Variants in ZRANB3 observed in about 807,000 individuals in gnomAD.
ZRANB3 encodes zinc finger RANBP2-type containing 3.
In ZRANB3, 125 loss-of-function variants were observed where a neutral mutation model predicts 133.8. That is an observed-to-expected ratio of 0.93 (90% CI 0.81 to 1.08). The LOEUF (loss-of-function observed/expected upper bound fraction) is 1.08. Ranked by LOEUF, ZRANB3 falls within the 50% of genes least tolerant of loss-of-function variation. The pLI, the probability that ZRANB3 is intolerant of heterozygous loss-of-function variation, is 0.00. For missense variants in ZRANB3, 1,229 were observed against 1,275.5 expected (o/e 0.96, Z 0.56); for synonymous variants, 387 against 432.7 (o/e 0.89, Z 1.31).
At chr2:135,482,817 T>G (rs1332575543) in intron 2 of ZRANB3, among the ~76,000 whole-genome samples, 1 of 152,250 alleles carries the variant, frequency 6.6e-6, no homozygotes, top group Non-Finnish European at 1.5e-5. Context: ...TTGAGAGTTT[T>G]CAGCATGAAG....
chr2:135,225,920 T>C (rs1694744493), intron 14 of ZRANB3, among the ~76,000 whole-genome samples: 1 of 152,184 alleles, frequency 6.6e-6, no homozygotes, highest in Non-Finnish European at 1.5e-5. Flanking sequence ...ACTGAGATGT[T>C]CAAAAGGGTT....
At chr2:135,504,787 T>G (rs766209158) in intron 1 of ZRANB3, among the ~76,000 whole-genome samples, 38 of 152,166 alleles carry the variant, frequency 2.5e-4, no homozygotes, top group Non-Finnish European at 4.4e-4. Context: ...TACTAAAAAA[T>G]TATAAATAAA....
At chr2:135,291,597 AT>A (rs1416200591) in intron 8 of ZRANB3, among the ~76,000 whole-genome samples, 1 of 150,492 alleles carries the variant, frequency 6.6e-6, no homozygotes. Flanking sequence ...TATTTTTTTA[AT>A]TTTATTATTA....
At chr2:135,212,092 C>T (rs920454074) in intron 17 of ZRANB3, among the ~76,000 whole-genome samples, 2 of 152,142 alleles carry the variant, frequency 1.3e-5, no homozygotes, top group African/African-American at 4.8e-5. Flanking sequence ...AATTTGCATT[C>T]CTATTAAGAG....
At chr2:135,367,669 G>A (rs971110585) in intron 3 of ZRANB3, among the ~76,000 whole-genome samples, 28 of 152,016 alleles carry the variant, frequency 1.8e-4, no homozygotes, top group South Asian at 2.1e-4. Flanking sequence ...TCTTCTCTAC[G>A]GTAGCATCTA....
At chr2:135,350,394 G>T (rs183194989) in intron 4 of ZRANB3, among the ~76,000 whole-genome samples, 179 bp from the exon 5 acceptor site, 1 of 152,048 alleles carries the variant, frequency 6.6e-6, no homozygotes, top group Non-Finnish European at 1.5e-5. Context: ...AATAAACCAG[G>T]ATCCAAAATT....
At chr2:135,314,754 T>C (rs1390573415) in intron 7 of ZRANB3, among the ~76,000 whole-genome samples, 1 of 118,426 alleles carries the variant, frequency 8.4e-6, no homozygotes, top group East Asian at 2.8e-4. Flanking sequence ...TTAGAATTCT[T>C]TTTTTTTTTT....
rs750160406 is a variant in ZRANB3 at position 135,207,476 on chromosome 2, A to G, written c.2967T>C (p.Asn989=). 6.2e-7 allele frequency: 1 copy of G among 1,613,802 alleles called. No homozygotes were observed. Among genetic ancestry groups the G allele is most frequent in the Non-Finnish European group, 8.5e-7 (1 of 1,179,804 alleles). Residue 989 remains asparagine, a synonymous_variant, in exon 19 of 21, where the codon AAT becomes AAC. Coordinates refer to ENST00000264159, the MANE Select transcript of ZRANB3 (RefSeq NM_032143.4). ...LRDAPKSQRK[N]LLYATWTSKL... is the part of the protein sequence containing the mutation. ...TTGAAGTCCAGGTAGCATACAGAAG[A>G]TTCTTCCTCTGACTTTTAGGGGCAT...
At chr2:135,217,428 T>C in intron 17 of ZRANB3, 37 bp downstream of exon 17, 1 of 1,546,528 alleles carries the variant, frequency 6.5e-7, no homozygotes, top group Non-Finnish European at 8.7e-7. Flanking sequence ...CCATGAAAAG[T>C]AATATAATAC....
intron 3 of ZRANB3, among the ~76,000 whole-genome samples, chr2:135,373,059 GAA>G (rs80322759): frequency 1.0e-4 from 12 of 115,332 alleles, no homozygotes; most frequent in South Asian, 2.8e-4. Context: ...ACTCCATCTC[GAA>G]AAAAAAAAAA....
At chr2:135,353,668 A>C in intron 3 of ZRANB3, 40 bp from the exon 4 acceptor site, 1 of 1,244,574 alleles carries the variant, frequency 8.0e-7, no homozygotes, top group African/African-American at 1.6e-5. Context: ...ATAGAGCCTA[A>C]AATATTTTAA....
At chr2:135,391,098 A>T (rs1687212433) in intron 2 of ZRANB3, among the ~76,000 whole-genome samples, 3 of 152,192 alleles carry the variant, frequency 2.0e-5, no homozygotes, top group African/African-American at 4.8e-5. Flanking sequence ...TGACCTCGTG[A>T]TCTGCTCGCC....
chr2:135,271,884 G>T lies in ZRANB3; in HGVS notation c.1090C>A (p.Arg364Ser), dbSNP rs771804305. ...ACACTTCCATCTATCCTAATGTAACGAGTCTAGCATCAACAAGGAAAACGG... is the reference window on the plus strand; with the variant it reads ...ACACTTCCATCTATCCTAATGTAACTAGTCTAGCATCAACAAGGAAAACGG... ...CTEAVIENKT[R>S]YIRIDGSVSS... The change falls in exon 10 of 21, where the codon CGT (arginine) becomes AGT (serine). Residue 364 changes from arginine to serine, a missense_variant. Physicochemically the swap from Arg to Ser is moderately radical, Grantham distance 110 (BLOSUM62 -1). Coordinates refer to ENST00000264159, the MANE Select transcript of ZRANB3 (RefSeq NM_032143.4). The T allele has an allele frequency of 2.0e-5, 33 of 1,611,768 alleles. No individual in the cohort carries two copies. The highest frequency in any genetic ancestry group is 2.5e-5 in the Non-Finnish European group (29 of 1,179,278).
At chr2:135,498,447 T>C (rs886703640) in intron 2 of ZRANB3, among the ~76,000 whole-genome samples, 1 of 152,236 alleles carries the variant, frequency 6.6e-6, no homozygotes, top group African/African-American at 2.4e-5. Context: ...ATGCCTGTCT[T>C]TAATCTCTTA....
chr2:135,268,828 G>T (rs1680370993), intron 11 of ZRANB3, 134 bp downstream of exon 11: 4 of 786,264 alleles, frequency 5.1e-6, no homozygotes, highest in Admixed American at 5.7e-5. Flanking sequence ...TCTTAACTTG[G>T]TCTCTATTAT....
At chr2:135,257,081 A>C (rs1457814496) in intron 12 of ZRANB3, among the ~76,000 whole-genome samples, 1 of 152,252 alleles carries the variant, frequency 6.6e-6, no homozygotes, top group Non-Finnish European at 1.5e-5. Context: ...TGGAAAACTC[A>C]TGACTAATCT....
In ZRANB3 at chr2:135,271,871, A is replaced by T; in HGVS notation, c.1103T>A (p.Ile368Lys). The T allele has an allele frequency of 1.2e-6, 2 of 1,613,374 alleles. No individual in the cohort carries two copies. Among genetic ancestry groups the T allele is most frequent in the Non-Finnish European group, 1.7e-6 (2 of 1,179,706 alleles). Residue 368 changes from isoleucine to lysine, a missense_variant, in exon 10 of 21, where the codon ATA becomes AAA. Transcript: ENST00000264159. Reference protein sequence around the residue: ...VIENKTRYIRIDGSVSSSERI... With the variant: ...VIENKTRYIRKDGSVSSSERI... ...TTCTGAAGATGAAACACTTCCATCT[A>T]TCCTAATGTAACGAGTCTAGCATCA... is the stretch of plus-strand genomic sequence containing the variant.
chr2:135,410,581 G>T (rs931494140), intron 2 of ZRANB3, among the ~76,000 whole-genome samples: 1 of 152,104 alleles, frequency 6.6e-6, no homozygotes, highest in African/African-American at 2.4e-5. Flanking sequence ...ACTAGGCAAA[G>T]AATTTATGAT....
rs757151946 is a variant in ZRANB3, at chr2:135,208,899, T to C, written c.2575A>G (p.Lys859Glu). The part of the protein sequence containing the change: ...NVGGHVRLIT[K>E]ESRPRDPFTK... ...AAAGGATCCCGTGGCCTGGACTCCT[T>C]TGTGATCAGACGGACATGGCCCCCA... Residue 859 changes from lysine (K) to glutamate (E), a missense_variant, in exon 18 of 21, where the codon AAG becomes GAG. Lys to Glu is a moderately conservative substitution (Grantham distance 56, BLOSUM62 1). Transcript: ENST00000264159. 4 of 1,613,886 alleles carry C rather than the reference T, an allele frequency of 2.5e-6. No individual in the cohort carries two copies. The African/African-American group carries it at 5.3e-5, about 22-fold the overall frequency.
Sources: allele counts gnomAD v4.1 joint callset (sites outside exome capture counted in the v4.1 genomes callset), GRCh38; gene constraint gnomAD v4.1.1; transcripts MANE v1.5; gene names NCBI Gene and HGNC (gene_info 2026-07-23, HGNC 2026-07-21).